The following CAMTA1 variants were observed in gnomAD, a reference collection of about 807,000 sequenced individuals.
CAMTA1 encodes the protein calmodulin binding transcription activator 1.
A neutral mutation model predicts 170.9 loss-of-function variants in CAMTA1; 27 were observed. The observed-to-expected ratio is 0.16, with a 90% CI of 0.12 to 0.22. CAMTA1 has a LOEUF of 0.22. Among genes scored for constraint, CAMTA1 ranks in the 10% least tolerant of loss-of-function variants. The pLI, the probability that CAMTA1 is intolerant of heterozygous loss-of-function variation, is 1.00. For synonymous variants in CAMTA1, 833 were observed against 891.5 expected (o/e 0.93, Z 1.17); for missense variants, 1,619 against 2,217.2 (o/e 0.73, Z 5.42).
intron 4 of CAMTA1, among the ~76,000 whole-genome samples, chr1:7,159,476 T>C (rs1647077016): frequency 6.6e-6 from 1 of 152,138 alleles, no homozygotes; most frequent in Admixed American, 6.6e-5. Context: ...CCTGTGTGCC[T>C]TCCGTTCTCC....
intron 1 of CAMTA1, among the ~76,000 whole-genome samples, chr1:6,791,813 C>T (rs911273379): frequency 3.9e-5 from 6 of 152,144 alleles, no homozygotes; most frequent in African/African-American, 1.4e-4. Context: ...GTTGATCCGA[C>T]TATCATATCC....
chr1:7,252,013 T>C (rs1397694959), intron 5 of CAMTA1, among the ~76,000 whole-genome samples: 1 of 152,226 alleles, frequency 6.6e-6, no homozygotes, highest in Non-Finnish European at 1.5e-5. Context: ...CATTCTACTA[T>C]ATAAACACTT....
chr1:7,231,732 T>C (rs1220366739), intron 4 of CAMTA1, among the ~76,000 whole-genome samples: 2 of 152,222 alleles, frequency 1.3e-5, no homozygotes, highest in Non-Finnish European at 2.9e-5. Flanking sequence ...AGCTCCCCTA[T>C]GCGGCAGCCA....
At chr1:6,785,733 G>C (rs1225477151) in intron 1 of CAMTA1, among the ~76,000 whole-genome samples, 158 bp downstream of exon 1, 6 of 138,180 alleles carry the variant, frequency 4.3e-5, no homozygotes, top group Admixed American at 4.2e-4. Flanking sequence ...GGCGGGGTGG[G>C]GGGGCGGAGC....
chr1:7,655,273 C>A (rs2095885756), intron 7 of CAMTA1, among the ~76,000 whole-genome samples: 1 of 113,350 alleles, frequency 8.8e-6, no homozygotes, highest in Non-Finnish European at 1.8e-5. Context: ...CCCACCTATA[C>A]ACACCGTTAT....
intron 4 of CAMTA1, among the ~76,000 whole-genome samples, chr1:7,151,118 G>A (rs1296349037): frequency 6.6e-6 from 1 of 152,258 alleles, no homozygotes; most frequent in East Asian, 1.9e-4. Context: ...GGTTCACTAA[G>A]TAGCACACGG....
chr1:7,151,727 C>G lies in CAMTA1; in HGVS notation c.302+60356C>G, dbSNP rs190258847. 9.1e-4 allele frequency among the ~76,000 whole-genome samples: 139 copies of G among 152,322 alleles called. 1 individual carries two copies. The highest frequency in any genetic ancestry group is 3.2e-3 in the African/African-American group (132 of 41,570). Reference sequence around the variant, plus strand: ...AGTCGAGGACGGAGGACATGGCAGGCTGCTGGTGCTCCTGGTGACCATTGG... The same window carrying G: ...AGTCGAGGACGGAGGACATGGCAGGGTGCTGGTGCTCCTGGTGACCATTGG... On this transcript the variant is annotated intron_variant, in intron 4 of 22. Transcript: ENST00000303635.
At chr1:7,352,792 C>A (rs981914969) in intron 5 of CAMTA1, among the ~76,000 whole-genome samples, 1 of 152,206 alleles carries the variant, frequency 6.6e-6, no homozygotes, top group African/African-American at 2.4e-5. Context: ...CTAGAGGTTA[C>A]ACCTCCTCCC....
intron 5 of CAMTA1, among the ~76,000 whole-genome samples, chr1:7,437,467 C>T (rs941109111): frequency 3.9e-5 from 6 of 152,142 alleles, no homozygotes; most frequent in South Asian, 4.1e-4. Flanking sequence ...TACCTGTGTT[C>T]GTGTCTGTGC....
intron 5 of CAMTA1, among the ~76,000 whole-genome samples, chr1:7,335,535 T>C (rs1053315869): frequency 7.2e-5 from 11 of 152,146 alleles, no homozygotes; most frequent in Non-Finnish European, 1.5e-4. Flanking sequence ...AGCTTGAGGC[T>C]TCCCAGTGCT....
chr1:6,869,147 A>G (rs1050218036), intron 3 of CAMTA1, among the ~76,000 whole-genome samples: 2 of 152,218 alleles, frequency 1.3e-5, no homozygotes, highest in African/African-American at 4.8e-5. Context: ...ATTCATAGTC[A>G]TGAGCTGACT....
chr1:6,948,112 A>G (rs997199228), intron 3 of CAMTA1, among the ~76,000 whole-genome samples: 2 of 152,172 alleles, frequency 1.3e-5, no homozygotes, highest in African/African-American at 4.8e-5. Context: ...AGTAATTATC[A>G]TGTTTATTCC....
chr1:7,335,143 G>GTGT (rs2083290253), intron 5 of CAMTA1, among the ~76,000 whole-genome samples: 1 of 69,934 alleles, frequency 1.4e-5, no homozygotes. Flanking sequence ...TGTGTGTGGG[G>GTGT]GGGGGGGGGG....
At chr1:7,069,170 A>G (rs1290141759) in intron 3 of CAMTA1, among the ~76,000 whole-genome samples, 1 of 152,210 alleles carries the variant, frequency 6.6e-6, no homozygotes, top group Non-Finnish European at 1.5e-5. Context: ...CAACTGGGAA[A>G]GATTGTCATC....
chr1:6,795,459 G>A (rs1291449227), intron 1 of CAMTA1, among the ~76,000 whole-genome samples: 1 of 152,102 alleles, frequency 6.6e-6, no homozygotes, highest in African/African-American at 2.4e-5. Flanking sequence ...CTCCCGAAGT[G>A]CTGGGATTTA....
At chr1:7,259,440 A>T (rs1048716324) in intron 5 of CAMTA1, among the ~76,000 whole-genome samples, 1 of 152,086 alleles carries the variant, frequency 6.6e-6, no homozygotes, top group Non-Finnish European at 1.5e-5. Context: ...GCAGAATTTC[A>T]GGCCCCAACC....
chr1:7,505,649 A>T (rs2094093766), intron 6 of CAMTA1, among the ~76,000 whole-genome samples: 1 of 152,018 alleles, frequency 6.6e-6, no homozygotes, highest in Non-Finnish European at 1.5e-5. Context: ...AGGCCAGGAG[A>T]CAGCCCACCC....
chr1:7,149,223 C>T (rs1176611602), intron 4 of CAMTA1, among the ~76,000 whole-genome samples: 1 of 152,190 alleles, frequency 6.6e-6, no homozygotes, highest in African/African-American at 2.4e-5. Context: ...CTCCCTTCTG[C>T]GCTTGGGAGG....
chr1:7,437,948 TA>T (rs1173460306), intron 5 of CAMTA1, among the ~76,000 whole-genome samples: 1 of 152,076 alleles, frequency 6.6e-6, no homozygotes, highest in Non-Finnish European at 1.5e-5. Flanking sequence ...TCAACAAATA[TA>T]AAAAATCATC....
Sources: gnomAD v4.1 joint callset for allele counts (sites outside exome capture counted in the v4.1 genomes callset) on GRCh38, gnomAD v4.1.1 for gene constraint, MANE v1.5 for transcripts, NCBI Gene and HGNC (gene_info 2026-07-23, HGNC 2026-07-21) for gene names.